Variants in TENM4 observed in about 807,000 individuals in gnomAD.
TENM4 encodes the protein teneurin transmembrane protein 4.
TENM4 carries 82 observed loss-of-function variants against 243.3 expected under a neutral mutation model. The ratio of observed to expected loss-of-function variants is 0.34; its 90% CI spans 0.28 to 0.40. TENM4 has a LOEUF of 0.40. Ranked by LOEUF, TENM4 falls within the 10% of genes least tolerant of loss-of-function variation. The pLI is 1.00. For synonymous variants in TENM4, 1,412 were observed against 1,456.3 expected (o/e 0.97, Z 0.69); for missense variants, 3,138 against 3,673.3 (o/e 0.85, Z 3.77).
intron 6 of TENM4, among the ~76,000 whole-genome samples, chr11:78,996,096 A>G (rs1004333003): frequency 7.9e-5 from 12 of 152,214 alleles, no homozygotes; most frequent in Non-Finnish European, 4.4e-5. Flanking sequence ...GGGGAATGGC[A>G]GTGGATTTTA....
chr11:78,943,080 T>C (rs1856937437), intron 6 of TENM4, among the ~76,000 whole-genome samples: 1 of 152,234 alleles, frequency 6.6e-6, no homozygotes. Context: ...GAAATGTGCA[T>C]CTGCTATTAG....
rs534340502 is a variant in TENM4, at chr11:79,303,783, A to C, written c.-320-6240T>G. Among the ~76,000 whole-genome samples, 4 of 152,304 alleles carry C rather than the reference A, an allele frequency of 2.6e-5. No homozygotes were observed. In the East Asian group the frequency reaches 7.7e-4, roughly 29 times the overall value. On this transcript the variant is annotated intron_variant, in intron 1 of 33. Transcript: ENST00000278550. ...CTATAAATTTTAGTTACTAATAATC[A>C]TGATTTATTTTTATTAATGATGGAT...
intron 2 of TENM4, among the ~76,000 whole-genome samples, chr11:79,252,857 A>G (rs544458133): frequency 9.8e-5 from 15 of 152,288 alleles, no homozygotes; most frequent in African/African-American, 3.6e-4. Context: ...CCCAGTTTAG[A>G]TCAGCTGACC....
intron 25 of TENM4, among the ~76,000 whole-genome samples, chr11:78,717,272 C>T (rs760027440): frequency 3.3e-5 from 5 of 152,184 alleles, no homozygotes; most frequent in Admixed American, 1.3e-4. Flanking sequence ...GAGCTGGGAA[C>T]CTAGGAGTCT....
At position 78,870,525 on chromosome 11, in the gene TENM4, A is replaced by G. The variant is rs575109942; in HGVS notation, c.1085-7393T>C. On this transcript the variant is annotated intron_variant, in intron 9 of 33. Coordinates refer to ENST00000278550, the MANE Select transcript of TENM4 (RefSeq NM_001098816.3). Reference sequence around the variant, plus strand: ...ACTACGTGGGGGTAATTTTTAATCAAGTAAATATACTGCTTTTCCTCCTGT... The same window carrying G: ...ACTACGTGGGGGTAATTTTTAATCAGGTAAATATACTGCTTTTCCTCCTGT... 4.6e-5 allele frequency among the ~76,000 whole-genome samples: 7 copies of G among 152,326 alleles called. No homozygotes were observed. The South Asian group carries it at 1.0e-3, about 23-fold the overall frequency.
chr11:79,223,763 T>C (rs1205796486), intron 2 of TENM4, among the ~76,000 whole-genome samples: 1 of 152,158 alleles, frequency 6.6e-6, no homozygotes, highest in Non-Finnish European at 1.5e-5. Flanking sequence ...ATCCACTAGT[T>C]TCCCTGGGCA....
intron 4 of TENM4, among the ~76,000 whole-genome samples, chr11:79,098,629 A>C (rs560092542): frequency 6.6e-6 from 1 of 152,244 alleles, no homozygotes; most frequent in Non-Finnish European, 1.5e-5. Context: ...AAGCAGACAG[A>C]GGACAAGGCT....
intron 7 of TENM4, among the ~76,000 whole-genome samples, chr11:78,892,562 A>C (rs1237825342): frequency 6.6e-6 from 1 of 152,216 alleles, no homozygotes; most frequent in East Asian, 1.9e-4. Flanking sequence ...TACTGAGCTC[A>C]CAAGGTTGTT....
chr11:79,171,284 C>G (rs867479416), intron 3 of TENM4, among the ~76,000 whole-genome samples: 1 of 152,190 alleles, frequency 6.6e-6, no homozygotes, highest in Non-Finnish European at 1.5e-5. Context: ...GTGTGAAATG[C>G]TAATGCCTCT....
intron 6 of TENM4, among the ~76,000 whole-genome samples, chr11:78,974,769 C>A (rs541743398): frequency 1.1e-4 from 17 of 148,220 alleles, no homozygotes; most frequent in Middle Eastern, 3.6e-3. Flanking sequence ...AGGGCAGTGA[C>A]GTGAGCGCCT....
At chr11:78,830,418 C>A (rs1857952445) in intron 12 of TENM4, among the ~76,000 whole-genome samples, 1 of 152,154 alleles carries the variant, frequency 6.6e-6, no homozygotes, top group African/African-American at 2.4e-5. Flanking sequence ...GGCTGTTAAA[C>A]TGAGGGAGAA....
At chr11:79,016,160 A>T (rs796573721) in intron 6 of TENM4, among the ~76,000 whole-genome samples, 15 of 152,308 alleles carry the variant, frequency 9.8e-5, no homozygotes, top group African/African-American at 3.6e-4. Flanking sequence ...TTTTAAGTGG[A>T]ACACAATGAT....
intron 32 of TENM4, 126 bp downstream of exon 32, chr11:78,668,811 T>G (rs1450783426): frequency 8.1e-7 from 1 of 1,241,838 alleles, no homozygotes; most frequent in East Asian, 2.4e-5. Context: ...CTTTGGAAAA[T>G]GCTGCTCTAA....
intron 6 of TENM4, among the ~76,000 whole-genome samples, chr11:78,929,181 A>C (rs1856617693): frequency 6.6e-6 from 1 of 152,208 alleles, no homozygotes; most frequent in Non-Finnish European, 1.5e-5. Flanking sequence ...AGTTGCCTAT[A>C]AATTCAGATC....
At chr11:78,904,359 C>CAAAAAAAAAAAAAAAAAAAAAA (rs61503457) in intron 6 of TENM4, among the ~76,000 whole-genome samples, 5 of 77,246 alleles carry the variant, frequency 6.5e-5, no homozygotes, top group African/African-American at 1.5e-4. Context: ...GACTCTGTCT[C>CAAAAAAAAAAAAAAAAAAAAAA]AAAAAAAAAA....
rs78993249 is a variant in TENM4, at chr11:79,378,399, T to C, written c.-321+62110A>G. Among the ~76,000 whole-genome samples, 252 of 152,330 alleles carry C rather than the reference T, an allele frequency of 1.7e-3. 1 individual carries two copies. Among genetic ancestry groups the C allele is most frequent in the African/African-American group, 5.9e-3 (245 of 41,582 alleles). ...GGGAAGAACAGGGGAAAGAAGATGA[T>C]GAAAACGAGCAAGACTGGTGGAGAA... On this transcript the variant is annotated intron_variant, in intron 1 of 33. Transcript: ENST00000278550.
At chr11:79,153,091 TAG>T (rs1247689466) in intron 3 of TENM4, among the ~76,000 whole-genome samples, 4 of 152,302 alleles carry the variant, frequency 2.6e-5, no homozygotes, top group Admixed American at 2.6e-4. Context: ...GATACCAAGA[TAG>T]ACACTTGTCA....
intron 3 of TENM4, among the ~76,000 whole-genome samples, chr11:79,176,367 C>T (rs1197501984): frequency 2.0e-5 from 3 of 152,172 alleles, no homozygotes; most frequent in Non-Finnish European, 2.9e-5. Flanking sequence ...GAAAAAGATG[C>T]ATTCCACACT....
intron 11 of TENM4, 139 bp downstream of exon 11, chr11:78,855,825 G>A (rs775518460): frequency 3.8e-6 from 3 of 790,074 alleles, no homozygotes; most frequent in Non-Finnish European, 6.0e-6. Context: ...GGTCTGAGAG[G>A]GACTACATGA....
Sources: gnomAD v4.1 joint callset for allele counts (sites outside exome capture counted in the v4.1 genomes callset) on GRCh38, gnomAD v4.1.1 for gene constraint, MANE v1.5 for transcripts, NCBI Gene and HGNC (gene_info 2026-07-23, HGNC 2026-07-21) for gene names.